KAZN: variants seen among roughly 807,000 people sequenced by gnomAD.
KAZN encodes the protein kazrin.
KAZN carries 40 observed loss-of-function variants against 87.4 expected under a neutral mutation model. The ratio of observed to expected loss-of-function variants is 0.46; its 90% CI spans 0.36 to 0.60. The LOEUF (loss-of-function observed/expected upper bound fraction) is 0.60, where lower values mean the gene tolerates loss of function less well. KAZN is among the 20% of genes least tolerant of loss of function. The pLI is 0.00. For missense variants in KAZN, 898 were observed against 1,073.9 expected (o/e 0.84, Z 2.29); for synonymous variants, 466 against 458.3 (o/e 1.02, Z -0.22).
At chr1:13,998,564 G>A (rs1639631061) in intron 1 of KAZN, among the ~76,000 whole-genome samples, 1 of 151,800 alleles carries the variant, frequency 6.6e-6, no homozygotes, top group Admixed American at 6.6e-5. Context: ...AAAACAGCAG[G>A]GGTTGCAATC....
intron 1 of KAZN, among the ~76,000 whole-genome samples, chr1:14,805,957 C>T (rs1177798933): frequency 6.6e-6 from 1 of 152,096 alleles, no homozygotes; most frequent in Non-Finnish European, 1.5e-5. Flanking sequence ...GAACAACTAG[C>T]CTTAATGTGC....
At chr1:14,736,257 GTGTGTGTGTGTGT>G (rs1643896769) in intron 1 of KAZN, among the ~76,000 whole-genome samples, 20 of 99,596 alleles carry the variant, frequency 2.0e-4, no homozygotes, top group South Asian at 1.8e-3. Flanking sequence ...ACTCAAGGGT[GTGTGTGTGTGTGT>G]GTGTGTGTGT....
chr1:14,960,002 G>T lies in KAZN; in HGVS notation c.227-682G>T, dbSNP rs78729288. Among the ~76,000 whole-genome samples the T allele has an allele frequency of 1.8e-3, 273 of 152,282 alleles. 6 individuals are homozygous for T. In the East Asian group the frequency reaches 0.03, roughly 17 times the overall value. On this transcript the variant is annotated intron_variant, in intron 1 of 14. Coordinates refer to ENST00000376030, the MANE Select transcript of KAZN (RefSeq NM_201628.3). ...AAGTGCTGCAGAAACCTCTGCCCAC[G>T]GTGTCACCTTGTCACTGCTCATTAG...
intron 5 of KAZN, among the ~76,000 whole-genome samples, chr1:15,059,845 A>C (rs1232358846): frequency 1.3e-5 from 2 of 152,184 alleles, no homozygotes; most frequent in Non-Finnish European, 2.9e-5. Context: ...ATAAACATCA[A>C]GCACTTTCCT....
chr1:14,856,136 A>G lies in KAZN; in HGVS notation c.227-104548A>G, dbSNP rs755357881. Among the ~76,000 whole-genome samples the G allele has an allele frequency of 1.3e-5, 2 of 152,314 alleles. 1 individual carries two copies. Among genetic ancestry groups the G allele is most frequent in the South Asian group, 4.1e-4 (2 of 4,824 alleles). ...AGTAGTTATTGCAAGGGTCTGTGCT[A>G]TAAAATCAGACTCTGAGGGTGGTCA... On this transcript the variant is annotated intron_variant, in intron 1 of 14. Transcript: ENST00000376030. This position sits in a 1 kb window ranked among gnomAD's most constrained non-coding sequence, Gnocchi z 5.2.
At chr1:14,205,590 C>T (rs1557559419) in intron 2 of KAZN, among the ~76,000 whole-genome samples, 1 of 151,952 alleles carries the variant, frequency 6.6e-6, no homozygotes, top group East Asian at 1.9e-4. Context: ...TTGGTGAACA[C>T]ATACATCAAT....
At chr1:14,144,261 C>T (rs115469070) in intron 1 of KAZN, among the ~76,000 whole-genome samples, 3,892 of 152,194 alleles carry the variant, frequency 0.026, 91 homozygotes, top group South Asian at 0.046. Context: ...TTTTGCTCTG[C>T]GTTAGATCCC....
At chr1:14,565,701 C>A (rs1215039190) in intron 2 of KAZN, among the ~76,000 whole-genome samples, 1 of 152,220 alleles carries the variant, frequency 6.6e-6, no homozygotes, top group Non-Finnish European at 1.5e-5. Flanking sequence ...CAAAATTCTT[C>A]ATTGTCATTT....
At chr1:14,060,243 G>C (rs1169864762) in intron 1 of KAZN, among the ~76,000 whole-genome samples, 1 of 151,880 alleles carries the variant, frequency 6.6e-6, no homozygotes, top group Non-Finnish European at 1.5e-5. Context: ...TGCGCCTGTA[G>C]TCCCAGCTGC....
At chr1:14,985,135 CAAA>C (rs1164946882) in intron 2 of KAZN, among the ~76,000 whole-genome samples, 3 of 86,802 alleles carry the variant, frequency 3.5e-5, no homozygotes, top group Non-Finnish European at 5.2e-5. Flanking sequence ...GACTCTGTCT[CAAA>C]AAAAAAAAAA....
intron 2 of KAZN, among the ~76,000 whole-genome samples, chr1:14,249,042 A>G (rs1056929244): frequency 6.6e-6 from 1 of 152,218 alleles, no homozygotes; most frequent in Non-Finnish European, 1.5e-5. Context: ...ATATGAGTAA[A>G]GAGACTCTCC....
chr1:15,017,344 C>T lies in KAZN; in HGVS notation c.419-17405C>T, dbSNP rs535715078. Among the ~76,000 whole-genome samples the T allele has an allele frequency of 3.9e-5, 6 of 152,302 alleles. No individual in the cohort carries two copies. The South Asian group carries it at 1.2e-3, about 32-fold the overall frequency. On this transcript the variant is annotated intron_variant, in intron 2 of 14. Coordinates refer to ENST00000376030, the MANE Select transcript of KAZN (RefSeq NM_201628.3). ...CTTATTTACCCAGACTCCTCAGCTGCAGCTCAGTGCCTGAGCAAGTTTTTG... is the reference window on the plus strand; with the variant it reads ...CTTATTTACCCAGACTCCTCAGCTGTAGCTCAGTGCCTGAGCAAGTTTTTG...
At chr1:14,339,225 G>C (rs1222485442) in intron 2 of KAZN, among the ~76,000 whole-genome samples, 1 of 152,154 alleles carries the variant, frequency 6.6e-6, no homozygotes, top group East Asian at 1.9e-4. Flanking sequence ...TCATCCCTCA[G>C]AACACACTCC....
chr1:14,575,912 G>A (rs1297494199), intron 2 of KAZN, among the ~76,000 whole-genome samples: 3 of 152,042 alleles, frequency 2.0e-5, no homozygotes, highest in Non-Finnish European at 4.4e-5. Flanking sequence ...TTTAGTATAG[G>A]GCCTGGCACG....
At chr1:14,556,885 A>G (rs1452963612) in intron 2 of KAZN, among the ~76,000 whole-genome samples, 1 of 152,220 alleles carries the variant, frequency 6.6e-6, no homozygotes, top group Non-Finnish European at 1.5e-5. Flanking sequence ...GGACCCTTGC[A>G]TGGCTGATCT....
chr1:15,052,822 C>A lies in KAZN; in HGVS notation c.727-3269C>A, dbSNP rs577517043. Among the ~76,000 whole-genome samples, 139 of 152,146 alleles carry A rather than the reference C, an allele frequency of 9.1e-4. 1 individual carries two copies. The highest frequency in any genetic ancestry group is 1.7e-3 in the Non-Finnish European group (114 of 68,034). Reference sequence around the variant, plus strand: ...TTCTGAAGGACCAACCGTAGGGGACCTCCCAATTGTCAGGTAGCAAGGATG... The same window carrying A: ...TTCTGAAGGACCAACCGTAGGGGACATCCCAATTGTCAGGTAGCAAGGATG... On this transcript the variant is annotated intron_variant, in intron 4 of 14. Coordinates refer to ENST00000376030, the MANE Select transcript of KAZN (RefSeq NM_201628.3).
At chr1:14,197,085 G>A (rs1646540747) in intron 2 of KAZN, among the ~76,000 whole-genome samples, 1 of 152,100 alleles carries the variant, frequency 6.6e-6, no homozygotes, top group South Asian at 2.1e-4. Context: ...GGGGGCGTGA[G>A]CCCAGCTGGA....
intron 1 of KAZN, among the ~76,000 whole-genome samples, chr1:14,002,821 G>A (rs1164867171): frequency 2.6e-5 from 4 of 152,140 alleles, no homozygotes; most frequent in African/African-American, 9.7e-5. Flanking sequence ...TCTAGAACCA[G>A]AAATATCATA....
chr1:14,810,391 A>G (rs1646369472), intron 1 of KAZN, among the ~76,000 whole-genome samples: 1 of 152,070 alleles, frequency 6.6e-6, no homozygotes, highest in South Asian at 2.1e-4. Flanking sequence ...TTTTCTGCTC[A>G]GGGGCCTGGA....
Sources: allele counts gnomAD v4.1 joint callset (sites outside exome capture counted in the v4.1 genomes callset), GRCh38; gene constraint gnomAD v4.1.1; non-coding constraint Gnocchi (gnomAD v3.1); transcripts MANE v1.5; gene names NCBI Gene and HGNC (gene_info 2026-07-23, HGNC 2026-07-21).